The following THSD7A variants were observed in gnomAD, a reference collection of about 807,000 sequenced individuals.
The protein encoded by THSD7A is thrombospondin type-1 domain-containing protein 7A.
THSD7A carries 96 observed loss-of-function variants against 231.3 expected under a neutral mutation model. The ratio of observed to expected loss-of-function variants is 0.41; its 90% CI spans 0.35 to 0.49. The LOEUF (loss-of-function observed/expected upper bound fraction) is 0.49. Among genes scored for constraint, THSD7A ranks in the 20% least tolerant of loss-of-function variants. The pLI is 0.05. For missense variants in THSD7A, 2,290 were observed against 2,070.2 expected (o/e 1.11, Z -2.06); for synonymous variants, 940 against 743.3 (o/e 1.26, Z -4.30).
chr7:11,473,543 T>G (rs1278312250), intron 8 of THSD7A, among the ~76,000 whole-genome samples: 1 of 152,194 alleles, frequency 6.6e-6, no homozygotes, highest in African/African-American at 2.4e-5. Context: ...TGATTTGAAT[T>G]TTTAAAAAGT....
intron 24 of THSD7A, among the ~76,000 whole-genome samples, chr7:11,380,742 A>G (rs1017177482): frequency 6.6e-6 from 1 of 152,224 alleles, no homozygotes; most frequent in African/African-American, 2.4e-5. Flanking sequence ...TCTATTTGTC[A>G]TAAAGAATCT....
At chr7:11,445,037 T>G (rs1583754467) in intron 13 of THSD7A, among the ~76,000 whole-genome samples, 1 of 151,576 alleles carries the variant, frequency 6.6e-6, no homozygotes, top group East Asian at 1.9e-4. Flanking sequence ...CTTTGATAGT[T>G]TATAAATATG....
At position 11,375,674 on chromosome 7, in the gene THSD7A, T is replaced by C. The variant is rs1355252679; in HGVS notation, c.*120A>G. On this transcript the variant is annotated 3_prime_UTR_variant, in exon 28 of 28. Coordinates refer to ENST00000423059, the MANE Select transcript of THSD7A (RefSeq NM_015204.3). The stretch of plus-strand genomic sequence containing the variant: ...ATGATTTTCACTCTTGTCTTTATGA[T>C]GCCATTTTTAAAAATTAAAATATAT... 4 of 784,362 alleles carry C rather than the reference T, an allele frequency of 5.1e-6. No individual in the cohort carries two copies. Among genetic ancestry groups the C allele is most frequent in the Non-Finnish European group, 8.2e-6 (4 of 487,380 alleles). The allele number at this position is 784,362 out of a possible 1,614,324, so 48.6% of individuals were successfully genotyped here. A position where few individuals can be genotyped will look rare whatever the true frequency, so the allele number is the denominator to read the frequency against.
intron 6 of THSD7A, among the ~76,000 whole-genome samples, chr7:11,515,158 A>T (rs979719884): frequency 2.6e-5 from 4 of 152,206 alleles, no homozygotes; most frequent in Non-Finnish European, 4.4e-5. Flanking sequence ...TCATCTAAAA[A>T]TGGAAACATT....
intron 1 of THSD7A, among the ~76,000 whole-genome samples, chr7:11,752,402 T>G (rs1293153404): frequency 6.6e-6 from 1 of 152,098 alleles, no homozygotes; most frequent in Non-Finnish European, 1.5e-5. Context: ...ACTTTTCTAC[T>G]TCTTCATTCC....
chr7:11,716,923 G>A (rs1781156864), intron 1 of THSD7A, among the ~76,000 whole-genome samples: 1 of 151,488 alleles, frequency 6.6e-6, no homozygotes, highest in Admixed American at 6.6e-5. Flanking sequence ...AAAATACCCT[G>A]AGTGGTAACG....
At chr7:11,575,550 T>C (rs1584009223) in intron 4 of THSD7A, among the ~76,000 whole-genome samples, 2 of 152,176 alleles carry the variant, frequency 1.3e-5, no homozygotes, top group Non-Finnish European at 2.9e-5. Context: ...TGTCTCTGCA[T>C]TGAACTGCAC....
intron 1 of THSD7A, among the ~76,000 whole-genome samples, chr7:11,647,798 A>T (rs1295601690): frequency 6.6e-6 from 1 of 152,006 alleles, no homozygotes; most frequent in African/African-American, 2.4e-5. Context: ...ACTGCTTCTT[A>T]CAGGTTGGTC....
chr7:11,526,452 T>C (rs1426737242), intron 6 of THSD7A, among the ~76,000 whole-genome samples: 4 of 152,192 alleles, frequency 2.6e-5, no homozygotes, highest in African/African-American at 9.6e-5. Flanking sequence ...TAGTCCTTGT[T>C]GCACTATATT....
Position 11,637,058 on chromosome 7 carries a change from A to G in THSD7A, c.191-97T>C. On this transcript the variant is annotated intron_variant, in intron 1 of 27. Transcript: ENST00000423059. The surrounding 1 kb of genome is among the most constrained non-coding windows in gnomAD (Gnocchi z 4.2). ...AGACCTTTCAAGACCTAGTACATTAACTTCCCTGCGGTGTTACAAAGTAGG... is the reference window on the plus strand; with the variant it reads ...AGACCTTTCAAGACCTAGTACATTAGCTTCCCTGCGGTGTTACAAAGTAGG... 2 of 1,135,934 alleles carry G rather than the reference A, an allele frequency of 1.8e-6. No individual in the cohort carries two copies. Among genetic ancestry groups the G allele is most frequent in the South Asian group, 3.1e-5 (2 of 65,548 alleles). 70.4% of individuals were successfully genotyped at this position (1,135,934 alleles called of 1,614,324 possible). A position where few individuals can be genotyped will look rare whatever the true frequency, so the allele number is the denominator to read the frequency against.
intron 1 of THSD7A, among the ~76,000 whole-genome samples, chr7:11,799,921 C>G (rs1242907247): frequency 6.6e-6 from 1 of 152,186 alleles, no homozygotes; most frequent in African/African-American, 2.4e-5. Context: ...TATTAATTAG[C>G]AACCAAATTG....
chr7:11,775,191 A>G (rs2128172805), intron 1 of THSD7A, among the ~76,000 whole-genome samples: 1 of 152,342 alleles, frequency 6.6e-6, no homozygotes, highest in East Asian at 1.9e-4. Flanking sequence ...ACGGCACAGA[A>G]AATAACAAGT....
chr7:11,382,281 T>C (rs1782548332), intron 24 of THSD7A, among the ~76,000 whole-genome samples: 1 of 152,140 alleles, frequency 6.6e-6, no homozygotes, highest in African/African-American at 2.4e-5. Context: ...TAGATAGTAT[T>C]TTAATTAAGT....
intron 2 of THSD7A, among the ~76,000 whole-genome samples, chr7:11,614,665 A>G (rs1781046270): frequency 6.6e-6 from 1 of 152,264 alleles, no homozygotes; most frequent in East Asian, 1.9e-4. Context: ...CCTTGTTATC[A>G]ATGACAGAAA....
At chr7:11,453,544 G>C (rs1785210447) in intron 11 of THSD7A, among the ~76,000 whole-genome samples, 1 of 151,956 alleles carries the variant, frequency 6.6e-6, no homozygotes, top group Non-Finnish European at 1.5e-5. Context: ...CATTACAACA[G>C]ATGTTCCTTG....
intron 2 of THSD7A, among the ~76,000 whole-genome samples, chr7:11,602,241 T>C (rs993722215): frequency 6.6e-6 from 1 of 152,148 alleles, no homozygotes; most frequent in Non-Finnish European, 1.5e-5. Context: ...AAGAAAAATA[T>C]GATATTATAT....
chr7:11,814,618 C>T lies in THSD7A; in HGVS notation c.190+17139G>A, dbSNP rs543668831. Reference sequence around the variant, plus strand: ...TAGTATTTATTCTCTTCTTGTGGAACTTGCACAGCTGAAGCAGTTCAAAAC... The same window carrying T: ...TAGTATTTATTCTCTTCTTGTGGAATTTGCACAGCTGAAGCAGTTCAAAAC... On this transcript the variant is annotated intron_variant, in intron 1 of 27. Coordinates refer to ENST00000423059, the MANE Select transcript of THSD7A (RefSeq NM_015204.3). The surrounding 1 kb of genome is among the most constrained non-coding windows in gnomAD (Gnocchi z 5.1). 2.6e-5 allele frequency among the ~76,000 whole-genome samples: 4 copies of T among 152,128 alleles called. No individual in the cohort carries two copies. The highest frequency in any genetic ancestry group is 4.4e-5 in the Non-Finnish European group (3 of 68,032).
At chr7:11,408,596 ATTTCCAAGACCTTT>A (rs1358887225) in intron 19 of THSD7A, among the ~76,000 whole-genome samples, 2 of 152,184 alleles carry the variant, frequency 1.3e-5, no homozygotes, top group Non-Finnish European at 2.9e-5. Flanking sequence ...AATTCTTGGA[ATTTCCAAGACCTTT>A]TTTATTTCTG....
chr7:11,398,003 G>A (rs1424566863), intron 23 of THSD7A, among the ~76,000 whole-genome samples: 1 of 151,534 alleles, frequency 6.6e-6, no homozygotes, highest in Non-Finnish European at 1.5e-5. Flanking sequence ...GATTCCAATG[G>A]TGATTCATTG....
Sources: allele counts gnomAD v4.1 joint callset (sites outside exome capture counted in the v4.1 genomes callset), GRCh38; gene constraint gnomAD v4.1.1; non-coding constraint Gnocchi (gnomAD v3.1); transcripts MANE v1.5; gene names NCBI Gene and HGNC (gene_info 2026-07-23, HGNC 2026-07-21).